WWOX: variants seen among roughly 807,000 people sequenced by gnomAD.
The protein encoded by WWOX is WW domain-containing oxidoreductase.
A neutral mutation model predicts 46.2 loss-of-function variants in WWOX; 69 were observed. The observed-to-expected ratio is 1.49, with a 90% CI of 1.23 to 1.82. The LOEUF (loss-of-function observed/expected upper bound fraction) is 1.82, where lower values mean the gene tolerates loss of function less well. WWOX is among the 40% of genes most tolerant of loss of function. The pLI, the probability that WWOX is intolerant of heterozygous loss-of-function variation, is 0.00. For synonymous variants in WWOX, 359 were observed against 202.6 expected (o/e 1.77, Z -6.56); for missense variants, 919 against 542.6 (o/e 1.69, Z -6.89).
intron 8 of WWOX, among the ~76,000 whole-genome samples, chr16:78,767,977 G>A (rs558900954): frequency 6.6e-6 from 1 of 152,166 alleles, no homozygotes; most frequent in Non-Finnish European, 1.5e-5. Context: ...TTCTAGTACT[G>A]TTTAGAAGTT....
intron 4 of WWOX, among the ~76,000 whole-genome samples, chr16:78,122,294 T>C (rs1413456257): frequency 6.6e-6 from 1 of 152,156 alleles, no homozygotes; most frequent in African/African-American, 2.4e-5. Context: ...ACTGAAACTT[T>C]TTTGTCACAT....
chr16:78,600,872 A>G (rs367673566), intron 8 of WWOX, among the ~76,000 whole-genome samples: 10 of 152,110 alleles, frequency 6.6e-5, no homozygotes, highest in African/African-American at 1.4e-4. Flanking sequence ...TCCTCTGCCT[A>G]TCGTGACAGG....
In WWOX at chr16:79,031,731, GCTCT is replaced by G. The variant is rs373620096; in HGVS notation, c.1057-179870_1057-179867del. Among the ~76,000 whole-genome samples, 324 of 144,286 alleles carry G rather than the reference GCTCT, an allele frequency of 2.2e-3. 11 individuals are homozygous for G. The East Asian group carries it at 0.055, about 24-fold the overall frequency. The allele number at this position is 144,286 out of a possible 152,430, so 94.7% of individuals were successfully genotyped here. A position where few individuals can be genotyped will look rare whatever the true frequency, so the allele number is the denominator to read the frequency against. On this transcript the variant is annotated intron_variant, in intron 8 of 8. Transcript: ENST00000566780. Reference sequence around the variant, plus strand: ...CTAGTTTTTTTGTTTTGCTTAATAGGCTCTCTCTCTGTCTCTTTCTTTCTATATA... The same window carrying G: ...CTAGTTTTTTTGTTTTGCTTAATAGGCTCTCTGTCTCTTTCTTTCTATATA...
chr16:79,143,603 T>TATG (rs756475607), intron 8 of WWOX, among the ~76,000 whole-genome samples: 2 of 152,188 alleles, frequency 1.3e-5, no homozygotes, highest in Non-Finnish European at 2.9e-5. Flanking sequence ...TGATAAAAAT[T>TATG]ATGATAATAA....
rs5818138 is a variant in WWOX at position 78,446,657 on chromosome 16, CTTTTTT to C, written c.1056+13924_1056+13929del. On this transcript the variant is annotated intron_variant, in intron 8 of 8. Transcript: ENST00000566780. ...CATCGAGTATAGTACCAAGTGTATACTTTTTTTTTTTTTTTTTTTTTTTTGAGGTGG... is the reference window on the plus strand; with the variant it reads ...CATCGAGTATAGTACCAAGTGTATACTTTTTTTTTTTTTTTTTTGAGGTGG... Among the ~76,000 whole-genome samples, 704 of 88,104 alleles carry C rather than the reference CTTTTTT, an allele frequency of 8.0e-3. 5 individuals are homozygous for C. Among genetic ancestry groups the C allele is most frequent in the African/African-American group, 0.03 (649 of 21,892 alleles). The allele number at this position is 88,104 out of a possible 152,430, so 57.8% of individuals were successfully genotyped here.
At chr16:78,106,079 G>T (rs2032124602) in intron 1 of WWOX, among the ~76,000 whole-genome samples, 1 of 152,210 alleles carries the variant, frequency 6.6e-6, no homozygotes, top group Non-Finnish European at 1.5e-5. Flanking sequence ...TGGGATTACA[G>T]GCGTGAGCCA....
intron 8 of WWOX, among the ~76,000 whole-genome samples, chr16:78,620,454 G>C (rs1215240552): frequency 6.6e-6 from 1 of 152,170 alleles, no homozygotes; most frequent in Non-Finnish European, 1.5e-5. Flanking sequence ...GCCGAAACTT[G>C]GTCCCTGGAT....
chr16:78,730,492 C>A (rs983495987), intron 8 of WWOX, among the ~76,000 whole-genome samples: 1 of 152,072 alleles, frequency 6.6e-6, no homozygotes, highest in Non-Finnish European at 1.5e-5. Flanking sequence ...CAGAGTCTTG[C>A]TCAGGCTGGA....
At chr16:79,143,051 TAAAGG>T (rs369100958) in intron 8 of WWOX, among the ~76,000 whole-genome samples, 2,120 of 151,986 alleles carry the variant, frequency 0.014, 27 homozygotes, top group East Asian at 0.027. Flanking sequence ...GAAAAAAAAA[TAAAGG>T]AAAGAGAACG....
intron 8 of WWOX, among the ~76,000 whole-genome samples, chr16:78,848,965 C>T (rs979846144): frequency 1.3e-5 from 2 of 152,150 alleles, no homozygotes; most frequent in East Asian, 1.9e-4. Flanking sequence ...GGTAAAGGTG[C>T]TGAAAATCAT....
chr16:78,319,831 G>A (rs546984811), intron 5 of WWOX, among the ~76,000 whole-genome samples: 5 of 152,100 alleles, frequency 3.3e-5, no homozygotes, highest in South Asian at 4.1e-4. Flanking sequence ...AGCCTGTGAG[G>A]AAGCAAAACT....
chr16:78,646,414 C>G (rs542401313), intron 8 of WWOX, among the ~76,000 whole-genome samples: 2 of 152,170 alleles, frequency 1.3e-5, no homozygotes, highest in East Asian at 3.9e-4. Flanking sequence ...TCCTAACACT[C>G]AACGCAATTT....
In WWOX at chr16:78,709,419, G is replaced by A. The variant is rs115060320; in HGVS notation, c.1056+276667G>A. 3.6e-3 allele frequency among the ~76,000 whole-genome samples: 549 copies of A among 152,236 alleles called. 5 individuals are homozygous for A. The highest frequency in any genetic ancestry group is 0.013 in the African/African-American group (526 of 41,510). ...AGGGCCTGGGTAGCGGGCCCAGCCTGTTGCAAGTAATCGGGCTCTGTCAGA... is the reference window on the plus strand; with the variant it reads ...AGGGCCTGGGTAGCGGGCCCAGCCTATTGCAAGTAATCGGGCTCTGTCAGA... On this transcript the variant is annotated intron_variant, in intron 8 of 8. Transcript: ENST00000566780.
At chr16:79,094,475 C>T (rs2049028917) in intron 8 of WWOX, among the ~76,000 whole-genome samples, 1 of 152,142 alleles carries the variant, frequency 6.6e-6, no homozygotes, top group South Asian at 2.1e-4. Context: ...TGGTCCAGAA[C>T]TCCTGACCTC....
chr16:78,873,612 C>T (rs1055474116), intron 8 of WWOX: 2 of 151,908 alleles, frequency 1.3e-5, no homozygotes, highest in Non-Finnish European at 2.9e-5. Flanking sequence ...CATACTGACA[C>T]CTCATCTCTA....
At chr16:78,528,876 A>C (rs2043548391) in intron 8 of WWOX, among the ~76,000 whole-genome samples, 1 of 151,816 alleles carries the variant, frequency 6.6e-6, no homozygotes, top group Non-Finnish European at 1.5e-5. Context: ...CAGCTTACTC[A>C]CATCATAGAT....
chr16:78,428,057 G>C (rs186846056), intron 7 of WWOX, among the ~76,000 whole-genome samples: 26 of 152,258 alleles, frequency 1.7e-4, no homozygotes, highest in African/African-American at 4.3e-4. Context: ...GACAGAGCAA[G>C]ACCCTGTTTC....
At chr16:79,206,071 C>T (rs2051499469) in intron 8 of WWOX, 1 of 152,168 alleles carries the variant, frequency 6.6e-6, no homozygotes, top group African/African-American at 2.4e-5. Flanking sequence ...GCTGAGTCTT[C>T]ATTTTTGTTC....
intron 5 of WWOX, among the ~76,000 whole-genome samples, chr16:78,314,593 T>A (rs1247399900): frequency 6.9e-6 from 1 of 145,256 alleles, no homozygotes; most frequent in Non-Finnish European, 1.5e-5. Context: ...GGCGTGATAC[T>A]GGCTCACTGC....
Sources: allele counts gnomAD v4.1 joint callset (sites outside exome capture counted in the v4.1 genomes callset), GRCh38; gene constraint gnomAD v4.1.1; transcripts MANE v1.5; gene names NCBI Gene and HGNC (gene_info 2026-07-23, HGNC 2026-07-21).